GABRG3: variants seen among roughly 807,000 people sequenced by gnomAD.
GABRG3 encodes the protein gamma-aminobutyric acid receptor subunit gamma-3.
In GABRG3, 25 loss-of-function variants were observed where a neutral mutation model predicts 48.8. The observed-to-expected ratio is 0.51, with a 90% confidence interval of 0.37 to 0.72. The LOEUF (loss-of-function observed/expected upper bound fraction) is 0.72, where lower values mean the gene tolerates loss of function less well. Ranked by LOEUF, GABRG3 falls within the 30% of genes least tolerant of loss-of-function variation. The pLI is 0.00. For missense variants in GABRG3, 394 were observed against 577.9 expected, an observed-to-expected ratio of 0.68 and a Z score of 3.26; for synonymous variants, 227 against 217.6, an observed-to-expected ratio of 1.04 and a Z score of -0.38.
chr15:27,266,798 G>A (rs1217999183), intron 3 of GABRG3, among the ~76,000 whole-genome samples: 1 of 96,016 alleles, frequency 1.0e-5, no homozygotes, highest in Non-Finnish European at 2.6e-5. Flanking sequence ...ATTGTAAATG[G>A]TATTTTTTTA....
At chr15:27,488,110 C>T (rs1458967367) in intron 6 of GABRG3, among the ~76,000 whole-genome samples, 1 of 152,184 alleles carries the variant, frequency 6.6e-6, no homozygotes, top group African/African-American at 2.4e-5. Flanking sequence ...AGCACTTGTT[C>T]CTGCCCACAT....
intron 3 of GABRG3, among the ~76,000 whole-genome samples, chr15:27,146,485 A>G (rs1898212179): frequency 6.6e-6 from 1 of 152,134 alleles, no homozygotes; most frequent in African/African-American, 2.4e-5. Flanking sequence ...AACAAAAACT[A>G]GTAAAGATAG....
chr15:27,388,353 T>G (rs71397224), intron 5 of GABRG3, among the ~76,000 whole-genome samples: 458 of 14,606 alleles, frequency 0.031, 36 homozygotes, highest in African/African-American at 0.053. Flanking sequence ...GGAGGGAGGG[T>G]AAGGAAGGAA....
chr15:27,464,615 C>G (rs1889547539), intron 5 of GABRG3, among the ~76,000 whole-genome samples: 2 of 152,130 alleles, frequency 1.3e-5, no homozygotes, highest in African/African-American at 4.8e-5. Flanking sequence ...TTTCCCTAAC[C>G]CCTCAAATAC....
intron 3 of GABRG3, among the ~76,000 whole-genome samples, chr15:27,164,304 A>G (rs549467983): frequency 1.2e-4 from 19 of 152,324 alleles, no homozygotes; most frequent in Non-Finnish European, 2.9e-5. Flanking sequence ...AATATTTCAC[A>G]TGTACCACCT....
intron 5 of GABRG3, among the ~76,000 whole-genome samples, chr15:27,459,990 C>G (rs1013501510): frequency 6.6e-6 from 1 of 152,050 alleles, no homozygotes; most frequent in African/African-American, 2.4e-5. Context: ...CCCTCTATGT[C>G]GTAATGGTGG....
chr15:27,330,711 T>C (rs1406513634), intron 5 of GABRG3, among the ~76,000 whole-genome samples: 1 of 152,254 alleles, frequency 6.6e-6, no homozygotes, highest in Non-Finnish European at 1.5e-5. Flanking sequence ...AATTCACACA[T>C]AGTACTCAGG....
chr15:27,515,777 A>G (rs534452591), intron 6 of GABRG3, among the ~76,000 whole-genome samples: 171 of 152,364 alleles, frequency 1.1e-3, no homozygotes, highest in African/African-American at 4.0e-3. Context: ...ATGCAATTAC[A>G]AAAGATTCAC....
intron 5 of GABRG3, chr15:27,366,311 C>T (rs910177885): frequency 6.6e-6 from 1 of 152,198 alleles, no homozygotes; most frequent in Non-Finnish European, 1.5e-5. Context: ...CTCTTTCCTG[C>T]ATCATATGGA....
chr15:27,025,293 G>A (rs1873228582), intron 2 of GABRG3, among the ~76,000 whole-genome samples: 1 of 152,174 alleles, frequency 6.6e-6, no homozygotes, highest in African/African-American at 2.4e-5. Context: ...CTCACTAAAT[G>A]TAGGTCCTTA....
intron 3 of GABRG3, among the ~76,000 whole-genome samples, chr15:27,296,509 G>T (rs143309925): frequency 6.6e-6 from 1 of 152,052 alleles, no homozygotes; most frequent in Non-Finnish European, 1.5e-5. Context: ...AATTCTATAC[G>T]TATAAATAGT....
intron 3 of GABRG3, among the ~76,000 whole-genome samples, chr15:27,106,275 C>T (rs894924063): frequency 2.6e-5 from 4 of 151,940 alleles, no homozygotes; most frequent in African/African-American, 9.7e-5. Context: ...TTTAGCTGCT[C>T]TTGCTACAAA....
At chr15:27,256,540 G>A (rs78812659) in intron 3 of GABRG3, among the ~76,000 whole-genome samples, 5,389 of 151,846 alleles carry the variant, frequency 0.035, 277 homozygotes, top group African/African-American at 0.11. Flanking sequence ...AGATATGACC[G>A]ATGACCTCAG....
chr15:27,360,328 T>C (rs988378853), intron 5 of GABRG3, among the ~76,000 whole-genome samples: 1 of 151,828 alleles, frequency 6.6e-6, no homozygotes, highest in Non-Finnish European at 1.5e-5. Context: ...CAAGGTCGGG[T>C]GGAATGGGCC....
At chr15:27,194,743 T>A (rs1030682607) in intron 3 of GABRG3, among the ~76,000 whole-genome samples, 1 of 152,222 alleles carries the variant, frequency 6.6e-6, no homozygotes, top group Admixed American at 6.5e-5. Context: ...TTGGGTTTAT[T>A]TTACTCGAGG....
intron 5 of GABRG3, among the ~76,000 whole-genome samples, chr15:27,345,248 T>G (rs1894327224): frequency 6.6e-6 from 1 of 152,218 alleles, no homozygotes; most frequent in Non-Finnish European, 1.5e-5. Flanking sequence ...TTCTGTTGCT[T>G]GCATTTGTTC....
At chr15:27,036,568 T>TGA (rs1227539916) in intron 3 of GABRG3, among the ~76,000 whole-genome samples, 1 of 152,142 alleles carries the variant, frequency 6.6e-6, no homozygotes, top group African/African-American at 2.4e-5. Flanking sequence ...CATGCACCTG[T>TGA]AATCCCAGCT....
intron 3 of GABRG3, among the ~76,000 whole-genome samples, chr15:27,195,667 C>T (rs535880232): frequency 1.3e-5 from 2 of 151,464 alleles, no homozygotes; most frequent in African/African-American, 4.9e-5. Context: ...AAGAGTCTCA[C>T]TCTGTTCTCT....
chr15:27,298,784 C>A (rs1233398840), intron 3 of GABRG3, among the ~76,000 whole-genome samples: 1 of 151,608 alleles, frequency 6.6e-6, no homozygotes, highest in Non-Finnish European at 1.5e-5. Context: ...TTTGCTGCAC[C>A]CATCAACCTG....
Sources: gnomAD v4.1 joint callset for allele counts (sites outside exome capture counted in the v4.1 genomes callset) on GRCh38, gnomAD v4.1.1 for gene constraint, MANE v1.5 for transcripts, NCBI Gene and HGNC (gene_info 2026-07-23, HGNC 2026-07-21) for gene names.